Variants in KMT2C observed in about 807,000 individuals in gnomAD.
KMT2C encodes the protein lysine methyltransferase 2C, also known as histone-lysine N-methyltransferase 2C.
A neutral mutation model predicts 507.9 loss-of-function variants in KMT2C; 88 were observed. The observed-to-expected ratio is 0.17, with a 90% CI of 0.15 to 0.21. The LOEUF is 0.21. KMT2C is among the 10% of genes least tolerant of loss of function. KMT2C has a pLI of 1.00. For synonymous variants in KMT2C, 2,049 were observed against 2,080.8 expected (o/e 0.98, Z 0.42); for missense variants, 4,954 against 5,957.8 (o/e 0.83, Z 5.55).
At chr7:152,361,345 G>A (rs926313820) in intron 1 of KMT2C, among the ~76,000 whole-genome samples, 1 of 152,148 alleles carries the variant, frequency 6.6e-6, no homozygotes, top group Admixed American at 6.5e-5. Flanking sequence ...TGGATCACGA[G>A]GTCAGGAGAT....
At chr7:152,187,553 A>G in intron 32 of KMT2C, 77 bp from the exon 33 acceptor site, 1 of 1,453,182 alleles carries the variant, frequency 6.9e-7, no homozygotes, top group South Asian at 1.2e-5. Flanking sequence ...GCTTTCATTA[A>G]AACCTATTAC....
intron 1 of KMT2C, among the ~76,000 whole-genome samples, chr7:152,379,142 C>T (rs1017821163): frequency 7.2e-5 from 11 of 152,222 alleles, no homozygotes; most frequent in African/African-American, 2.4e-4. Context: ...TTTCAATGCC[C>T]TTTTTTTAAA....
chr7:152,371,055 T>C (rs917226669), intron 1 of KMT2C, among the ~76,000 whole-genome samples: 1 of 152,094 alleles, frequency 6.6e-6, no homozygotes, highest in African/African-American at 2.4e-5. Flanking sequence ...TAAAAACATA[T>C]TAAAGAATAA....
At chr7:152,381,226 T>C (rs886865297) in intron 1 of KMT2C, among the ~76,000 whole-genome samples, 4 of 152,094 alleles carry the variant, frequency 2.6e-5, no homozygotes, top group African/African-American at 9.7e-5. Flanking sequence ...AACACGCCAA[T>C]AACATTTATT....
rs749542163 is a variant in KMT2C, at chr7:152,156,346, G to T, written c.11671C>A (p.Gln3891Lys). 5 of 1,613,628 alleles carry T rather than the reference G, an allele frequency of 3.1e-6. No homozygotes were observed. In the Admixed American group the frequency reaches 8.3e-5, roughly 27 times the overall value. Residue 3891 changes from glutamine to lysine, a missense_variant and splice_region_variant, in exon 45 of 59, where the codon CAG (glutamine) becomes AAG (lysine). This residue lies in a region of KMT2C where 801 missense variants were observed against 751.2 expected (regional missense o/e 1.07). Transcript: ENST00000262189. ...GTTGGAGGATTACTTAAATTATTCT[G>T]CTGCAGGAGACCAAAAAATTTAAAT... ...STDTFTHLKQ[Q>K]NNLSNPPTPP...
intron 15 of KMT2C, among the ~76,000 whole-genome samples, chr7:152,236,468 T>C (rs1217295277): frequency 6.6e-6 from 1 of 152,176 alleles, no homozygotes; most frequent in Non-Finnish European, 1.5e-5. Context: ...AAGTAACTTG[T>C]CCAAGGTCAC....
At chr7:152,337,156 G>A (rs1445270080) in intron 2 of KMT2C, among the ~76,000 whole-genome samples, 1 of 152,156 alleles carries the variant, frequency 6.6e-6, no homozygotes, top group African/African-American at 2.4e-5. Flanking sequence ...AGTAGACCCA[G>A]CTATTCAGGA....
intron 23 of KMT2C, among the ~76,000 whole-genome samples, chr7:152,209,351 G>A (rs543600510): frequency 2.0e-5 from 3 of 151,540 alleles, no homozygotes; most frequent in African/African-American, 7.3e-5. Flanking sequence ...CAGCTACGTG[G>A]GAGGCTGAGG....
At chr7:152,184,961 G>A (rs2093576970) in intron 34 of KMT2C, among the ~76,000 whole-genome samples, 1 of 152,074 alleles carries the variant, frequency 6.6e-6, no homozygotes, top group East Asian at 1.9e-4. Context: ...TGGCTATGTT[G>A]CCCAGGCTGG....
At chr7:152,354,969 G>A (rs1462822802) in intron 2 of KMT2C, among the ~76,000 whole-genome samples, 10 of 152,164 alleles carry the variant, frequency 6.6e-5, no homozygotes, top group Admixed American at 2.0e-4. Context: ...GACAAGAGTA[G>A]AATGGAATGA....
In KMT2C at chr7:152,179,670, G is replaced by T. The variant is rs978453871; in HGVS notation, c.7442+164C>A. Among the ~76,000 whole-genome samples the T allele has an allele frequency of 1.3e-4, 19 of 141,796 alleles. 2 individuals carry two copies. Among genetic ancestry groups the T allele is most frequent in the African/African-American group, 3.6e-4 (14 of 39,318 alleles). 93.0% of individuals were successfully genotyped at this position (141,796 alleles called of 152,430 possible). ...TTTGTTGAAGAGGTTGGGGGGGGGG[G>T]GGGGTGGTCTCACTATATTGCCCAG... is the stretch of plus-strand genomic sequence containing the variant. On this transcript the variant is annotated intron_variant, in intron 37 of 58. Transcript: ENST00000262189.
At chr7:152,322,640 G>A (rs1298201653) in intron 3 of KMT2C, among the ~76,000 whole-genome samples, 1 of 151,844 alleles carries the variant, frequency 6.6e-6, no homozygotes, top group African/African-American at 2.4e-5. Context: ...GTTCCATGTG[G>A]GCAATAACTT....
intron 45 of KMT2C, 73 bp downstream of exon 45, chr7:152,156,132 T>C (rs1221421614): frequency 3.1e-6 from 5 of 1,601,408 alleles, no homozygotes; most frequent in Non-Finnish European, 2.6e-6. Flanking sequence ...TACAATTCTA[T>C]TGCCATTTCA....
intron 1 of KMT2C, among the ~76,000 whole-genome samples, chr7:152,434,029 G>C (rs1039090736): frequency 1.3e-5 from 2 of 152,208 alleles, no homozygotes; most frequent in East Asian, 1.9e-4. Context: ...TAGTGAAATG[G>C]GAGGCAATCA....
At chr7:152,378,738 AAG>A (rs2097348076) in intron 1 of KMT2C, among the ~76,000 whole-genome samples, 1 of 152,168 alleles carries the variant, frequency 6.6e-6, no homozygotes. Flanking sequence ...GTTAATAAGA[AAG>A]AGTAATTATG....
At chr7:152,309,365 G>T in intron 6 of KMT2C, among the ~76,000 whole-genome samples, 1 of 145,266 alleles carries the variant, frequency 6.9e-6, no homozygotes, top group Admixed American at 6.9e-5. Context: ...CGCCCAGGCT[G>T]GAGTATGGAG....
intron 9 of KMT2C, among the ~76,000 whole-genome samples, chr7:152,255,323 C>A (rs2095642911): frequency 6.6e-6 from 1 of 151,332 alleles, no homozygotes; most frequent in South Asian, 2.1e-4. Context: ...TGTGCCACTA[C>A]ACCTGGCTAA....
At chr7:152,192,327 G>A (rs2093822546) in intron 31 of KMT2C, among the ~76,000 whole-genome samples, 1 of 152,120 alleles carries the variant, frequency 6.6e-6, no homozygotes, top group African/African-American at 2.4e-5. Flanking sequence ...TGGCTCACAA[G>A]GTCAGGAGTT....
In KMT2C at chr7:152,202,334, T is replaced by A. The variant is rs145450464; in HGVS notation, c.4092+600A>T. On this transcript the variant is annotated intron_variant, in intron 26 of 58. Coordinates refer to ENST00000262189, the MANE Select transcript of KMT2C (RefSeq NM_170606.3). ...TTTCTAATATTGAGCTGTTTCCGTATCACATGGCCTTAAACTCTGACTTAA... is the reference window on the plus strand; with the variant it reads ...TTTCTAATATTGAGCTGTTTCCGTAACACATGGCCTTAAACTCTGACTTAA... Among the ~76,000 whole-genome samples, 7 of 152,354 alleles carry A rather than the reference T, an allele frequency of 4.6e-5. No homozygotes were observed. In the East Asian group the frequency reaches 1.3e-3, roughly 29 times the overall value.
Sources: gnomAD v4.1 joint callset for allele counts (sites outside exome capture counted in the v4.1 genomes callset) on GRCh38, gnomAD v4.1.1 for gene constraint, gnomAD v4.1.1 regional missense constraint, MANE v1.5 for transcripts, NCBI Gene and HGNC (gene_info 2026-07-23, HGNC 2026-07-21) for gene names.